The following FUT8 variants were observed in gnomAD, a reference collection of about 807,000 sequenced individuals.
FUT8 encodes the protein alpha-(1,6)-fucosyltransferase.
FUT8 carries 29 observed loss-of-function variants against 71.3 expected under a neutral mutation model. The ratio of observed to expected loss-of-function variants is 0.41; its 90% CI spans 0.30 to 0.55. The LOEUF (loss-of-function observed/expected upper bound fraction) is 0.55, where lower values mean the gene tolerates loss of function less well. Among genes scored for constraint, FUT8 ranks in the 20% least tolerant of loss-of-function variants. FUT8 has a pLI of 0.34. For synonymous variants in FUT8, 254 were observed against 239.3 expected, an observed-to-expected ratio of 1.06 and a Z score of -0.57; for missense variants, 544 against 702.1, an observed-to-expected ratio of 0.77 and a Z score of 2.55.
chr14:65,362,928 C>T, the FUT8 span, among the ~76,000 whole-genome samples: 109 of 125,956 alleles, frequency 8.7e-4, no homozygotes, highest in African/African-American at 3.1e-3. Context: ...CGCCTCTGTA[C>T]ACCAGCCTGG....
At chr14:65,504,649 G>A (rs1049257125) in intron 2 of FUT8, among the ~76,000 whole-genome samples, 1 of 152,088 alleles carries the variant, frequency 6.6e-6, no homozygotes, top group Non-Finnish European at 1.5e-5. Context: ...CTCAGAAAAC[G>A]TTGTGTTCTC....
At chr14:65,481,498 G>A (rs1346804840) in intron 2 of FUT8, among the ~76,000 whole-genome samples, 1 of 151,584 alleles carries the variant, frequency 6.6e-6, no homozygotes, top group Non-Finnish European at 1.5e-5. Context: ...AAAAAATACT[G>A]CACACATCTG....
intron 9 of FUT8, among the ~76,000 whole-genome samples, chr14:65,728,011 A>C (rs574087029): frequency 1.2e-4 from 18 of 152,268 alleles, no homozygotes; most frequent in African/African-American, 4.3e-4. Flanking sequence ...AGTTCCCAAC[A>C]AGTTCCTCAT....
intron 1 of FUT8, among the ~76,000 whole-genome samples, chr14:65,420,849 A>G (rs886680057): frequency 2.0e-5 from 3 of 152,134 alleles, no homozygotes; most frequent in African/African-American, 7.2e-5. Flanking sequence ...TGTACCTTAT[A>G]TGTATTATAT....
Position 65,724,180 on chromosome 14 carries a change from A to C in FUT8, c.1116A>C (p.Thr372=), listed in dbSNP as rs927580559. Residue 372 remains threonine (T), a synonymous_variant, in exon 9 of 11, where the codon ACA becomes ACC. Coordinates refer to ENST00000673929, the MANE Select transcript of FUT8 (RefSeq NM_001371533.1). ...TCAGACGCACAGACAAAGTGGGAAC[A>C]GAAGCTGCCTTCCATCCCATTGAAG... ...VHVRRTDKVG[T]EAAFHPIEEY... is the part of the protein sequence containing the mutation. 1 of 1,605,088 alleles carries C rather than the reference A, an allele frequency of 6.2e-7. No individual in the cohort carries two copies. The highest frequency in any genetic ancestry group is 8.5e-7 in the Non-Finnish European group (1 of 1,177,598).
chr14:65,628,284 G>C (rs543577531), intron 5 of FUT8, among the ~76,000 whole-genome samples: 51 of 152,276 alleles, frequency 3.3e-4, no homozygotes, highest in Non-Finnish European at 5.9e-4. Context: ...ATATTGGGTG[G>C]GGTCTTTTAG....
At chr14:65,708,946 G>A (rs1434423596) in intron 7 of FUT8, among the ~76,000 whole-genome samples, 1 of 152,070 alleles carries the variant, frequency 6.6e-6, no homozygotes, top group Non-Finnish European at 1.5e-5. Context: ...GTACTGCATG[G>A]TGACCACAGT....
intron 8 of FUT8, among the ~76,000 whole-genome samples, chr14:65,723,315 A>G (rs1246595538): frequency 1.5e-5 from 2 of 135,476 alleles, no homozygotes; most frequent in African/African-American, 5.1e-5. Context: ...ACAGAGCAAG[A>G]CCTTGTCTTA....
chr14:65,617,056 G>C, intron 5 of FUT8: 1 of 1,578,696 alleles, frequency 6.3e-7, no homozygotes, highest in Non-Finnish European at 8.5e-7. Flanking sequence ...CTGTCTTTAG[G>C]CCTGTTATAT....
At chr14:65,609,147 T>C (rs923226930) in intron 3 of FUT8, among the ~76,000 whole-genome samples, 1 of 151,662 alleles carries the variant, frequency 6.6e-6, no homozygotes, top group African/African-American at 2.4e-5. Flanking sequence ...ATATAAAAAT[T>C]AGCCGGGTGT....
At position 65,616,261 on chromosome 14, in the gene FUT8, A is replaced by G. The variant is rs200973027; in HGVS notation, c.370A>G (p.Lys124Glu). 1.4e-4 allele frequency: 229 copies of G among 1,612,410 alleles called. No homozygotes were observed. Among genetic ancestry groups the G allele is most frequent in the Non-Finnish European group, 1.9e-4 (226 of 1,179,192 alleles). ...GAGGAGGAGGATTGAAAATGGAGCT[A>G]AAGAGCTCTGGTTTTTCCTACAGAG... Reference protein sequence around the residue: ...ILRRRIENGAKELWFFLQSEL... With the variant: ...ILRRRIENGAEELWFFLQSEL... Residue 124 changes from lysine to glutamate, a missense_variant, in exon 5 of 11, where the codon AAA becomes GAA. Transcript: ENST00000673929.
the FUT8 span, among the ~76,000 whole-genome samples, chr14:65,377,669 A>G: frequency 6.6e-6 from 1 of 152,138 alleles, no homozygotes; most frequent in Non-Finnish European, 1.5e-5. Flanking sequence ...TCCTCTTTAC[A>G]GTGTTACTGT....
intron 2 of FUT8, among the ~76,000 whole-genome samples, chr14:65,544,709 A>G (rs1884884275): frequency 6.6e-6 from 1 of 152,086 alleles, no homozygotes; most frequent in African/African-American, 2.4e-5. Context: ...CTTTATAACT[A>G]GGAAGATTAA....
Position 65,743,394 on chromosome 14 carries a change from G to A in FUT8, c.*984G>A, listed in dbSNP as rs1896598061. ...TTGGGAGCTTTCATTCTCATATTTTGGACATTGTTTTAATTGAGTGAAATA... is the reference window on the plus strand; with the variant it reads ...TTGGGAGCTTTCATTCTCATATTTTAGACATTGTTTTAATTGAGTGAAATA... On this transcript the variant is annotated 3_prime_UTR_variant, in exon 11 of 11. Transcript: ENST00000673929. The A allele has an allele frequency of 6.6e-6, 1 of 151,732 alleles. No individual in the cohort carries two copies. Among genetic ancestry groups the A allele is most frequent in the African/African-American group, 2.4e-5 (1 of 41,346 alleles). 9.4% of individuals were successfully genotyped at this position (151,732 alleles called of 1,614,324 possible).
At chr14:65,460,295 G>A (rs2065952217) in intron 2 of FUT8, among the ~76,000 whole-genome samples, 1 of 152,172 alleles carries the variant, frequency 6.6e-6, no homozygotes, top group Non-Finnish European at 1.5e-5. Context: ...AACAGCCTAG[G>A]AAGATAGAAA....
chr14:65,653,682 T>C (rs1469458689), intron 6 of FUT8, among the ~76,000 whole-genome samples: 1 of 152,212 alleles, frequency 6.6e-6, no homozygotes, highest in South Asian at 2.1e-4. Context: ...TCAGAAAACA[T>C]GGAAGCCAAG....
intron 1 of FUT8, among the ~76,000 whole-genome samples, chr14:65,454,930 A>G (rs993460876): frequency 1.3e-5 from 2 of 152,184 alleles, no homozygotes; most frequent in Non-Finnish European, 2.9e-5. Context: ...ACTGCATGAG[A>G]TGGTGCATGT....
At position 65,680,068 on chromosome 14, in the gene FUT8, A is replaced by T. The variant is rs376747860; in HGVS notation, c.835+10588A>T. On this transcript the variant is annotated intron_variant, in intron 7 of 10. Transcript: ENST00000673929. ...TATATAGTGAGATAGAGCCTGAAAG[A>T]TGTATTATAAGGTCAGTACCTTATA... Among the ~76,000 whole-genome samples the T allele has an allele frequency of 5.3e-5, 8 of 152,322 alleles. No individual in the cohort carries two copies. The South Asian group carries it at 1.0e-3, about 20-fold the overall frequency.
At chr14:65,657,155 A>G (rs1042229336) in intron 6 of FUT8, among the ~76,000 whole-genome samples, 4 of 152,222 alleles carry the variant, frequency 2.6e-5, no homozygotes, top group African/African-American at 7.2e-5. Context: ...GACAAATGGG[A>G]TCTTATCAAG....
Sources: gnomAD v4.1 joint callset for allele counts (sites outside exome capture counted in the v4.1 genomes callset) on GRCh38, gnomAD v4.1.1 for gene constraint, MANE v1.5 for transcripts, NCBI Gene and HGNC (gene_info 2026-07-23, HGNC 2026-07-21) for gene names.